RUNDC3B: variants seen among roughly 807,000 people sequenced by gnomAD.
RUNDC3B encodes the protein RUN domain containing 3B.
A neutral mutation model predicts 58.4 loss-of-function variants in RUNDC3B; 33 were observed. The ratio of observed to expected loss-of-function variants is 0.56; its 90% CI spans 0.43 to 0.75. RUNDC3B has a LOEUF of 0.75. Among genes scored for constraint, RUNDC3B ranks in the 30% least tolerant of loss-of-function variants. RUNDC3B has a pLI of 0.00. For missense variants in RUNDC3B, 501 were observed against 535.7 expected, an observed-to-expected ratio of 0.94 and a Z score of 0.64; for synonymous variants, 193 against 195.2, an observed-to-expected ratio of 0.99 and a Z score of 0.10.
chr7:87,780,146 T>G (rs1268281289), intron 8 of RUNDC3B, among the ~76,000 whole-genome samples: 1 of 152,214 alleles, frequency 6.6e-6, no homozygotes, highest in Non-Finnish European at 1.5e-5. Flanking sequence ...GATATATACC[T>G]AGTAATGGTA....
chr7:87,805,542 C>T (rs190585041), intron 8 of RUNDC3B, among the ~76,000 whole-genome samples: 2 of 152,194 alleles, frequency 1.3e-5, no homozygotes, highest in East Asian at 3.9e-4. Flanking sequence ...AAGACAGTAC[C>T]TTAATTTGTC....
intron 2 of RUNDC3B, among the ~76,000 whole-genome samples, chr7:87,657,408 C>CA (rs1331447899): frequency 2.0e-5 from 3 of 152,062 alleles, no homozygotes; most frequent in Admixed American, 2.0e-4. Context: ...AAACATCACA[C>CA]AAAAAAACCG....
rs189724175 is a variant in RUNDC3B, at chr7:87,748,663, C to T, written c.629+7084C>T. On this transcript the variant is annotated intron_variant, in intron 6 of 10. Transcript: ENST00000394654. ...GCCTAACCATAGGACAAAAATTTTCCTAGATGCCAGGGATACTTAGATGTC... is the reference window on the plus strand; with the variant it reads ...GCCTAACCATAGGACAAAAATTTTCTTAGATGCCAGGGATACTTAGATGTC... 1.6e-3 allele frequency among the ~76,000 whole-genome samples: 238 copies of T among 152,200 alleles called. 1 individual carries two copies. Among genetic ancestry groups the T allele is most frequent in the African/African-American group, 5.6e-3 (233 of 41,536 alleles).
At chr7:87,709,898 AAATT>A (rs1175522446) in intron 3 of RUNDC3B, among the ~76,000 whole-genome samples, 3 of 152,212 alleles carry the variant, frequency 2.0e-5, no homozygotes, top group Non-Finnish European at 2.9e-5. Flanking sequence ...GTCCGTAAGA[AAATT>A]AATTACTTTT....
At chr7:87,699,738 C>T (rs1181138451) in intron 2 of RUNDC3B, among the ~76,000 whole-genome samples, 1 of 152,024 alleles carries the variant, frequency 6.6e-6, no homozygotes, top group Non-Finnish European at 1.5e-5. Flanking sequence ...AACCTATGCA[C>T]AATAGAACAT....
chr7:87,761,990 G>T (rs544510098), intron 6 of RUNDC3B, among the ~76,000 whole-genome samples: 2 of 151,562 alleles, frequency 1.3e-5, no homozygotes, highest in African/African-American at 4.8e-5. Context: ...TCTTGTTTTG[G>T]GGCTTGATCT....
At chr7:87,743,899 T>C (rs956777366) in intron 6 of RUNDC3B, among the ~76,000 whole-genome samples, 20 of 152,222 alleles carry the variant, frequency 1.3e-4, no homozygotes, top group African/African-American at 4.8e-4. Flanking sequence ...AGCCAATATC[T>C]AGAAGGGTTT....
Position 87,771,850 on chromosome 7 carries a change from G to C in RUNDC3B, c.798+1101G>C, listed in dbSNP as rs192947815. On this transcript the variant is annotated intron_variant, in intron 7 of 10. Transcript: ENST00000394654. Reference sequence around the variant, plus strand: ...ATTTGTAGAGAAAGCTTGATTACATGCAATAGCAAAAATAATGACCAATAT... The same window carrying C: ...ATTTGTAGAGAAAGCTTGATTACATCCAATAGCAAAAATAATGACCAATAT... Among the ~76,000 whole-genome samples the C allele has an allele frequency of 3.3e-4, 50 of 152,286 alleles. No homozygotes were observed. In the East Asian group the frequency reaches 9.7e-3, roughly 29 times the overall value.
chr7:87,651,029 T>G, intron 2 of RUNDC3B, 92 bp downstream of exon 2: 2 of 700,150 alleles, frequency 2.9e-6, no homozygotes, highest in Non-Finnish European at 4.9e-6. Context: ...GTGACTTAGA[T>G]AGCCAACATT....
intron 10 of RUNDC3B, among the ~76,000 whole-genome samples, chr7:87,817,921 G>C (rs1837160397): frequency 6.6e-6 from 1 of 152,188 alleles, no homozygotes; most frequent in African/African-American, 2.4e-5. Flanking sequence ...GAATAAAGTA[G>C]AAATTCATTT....
chr7:87,661,269 A>G (rs1203223830), intron 2 of RUNDC3B, among the ~76,000 whole-genome samples: 3 of 151,886 alleles, frequency 2.0e-5, no homozygotes, highest in Non-Finnish European at 2.9e-5. Context: ...AAACAATTCA[A>G]TTATACTCTT....
At chr7:87,653,371 C>G (rs190022800) in intron 2 of RUNDC3B, among the ~76,000 whole-genome samples, 70 of 152,234 alleles carry the variant, frequency 4.6e-4, no homozygotes, top group Admixed American at 1.8e-3. Flanking sequence ...TTTGCCTGCT[C>G]AGCAACAATT....
intron 8 of RUNDC3B, among the ~76,000 whole-genome samples, chr7:87,778,440 C>CA (rs34916526): frequency 0.21 from 14,164 of 69,034 alleles, 903 homozygotes; most frequent in African/African-American, 0.31. Flanking sequence ...AAAACTCTGT[C>CA]AAAAAAAAAA....
At chr7:87,682,869 G>A (rs1827064547) in intron 2 of RUNDC3B, among the ~76,000 whole-genome samples, 1 of 152,092 alleles carries the variant, frequency 6.6e-6, no homozygotes, top group South Asian at 2.1e-4. Context: ...TTAAAGCCAG[G>A]CATTAACTTC....
At chr7:87,662,972 T>C (rs1824863659) in intron 2 of RUNDC3B, among the ~76,000 whole-genome samples, 1 of 152,128 alleles carries the variant, frequency 6.6e-6, no homozygotes, top group African/African-American at 2.4e-5. Context: ...CCTTCTTTGG[T>C]AAAGTTTATT....
intron 4 of RUNDC3B, among the ~76,000 whole-genome samples, chr7:87,737,460 G>T (rs753042460): frequency 6.6e-5 from 10 of 151,960 alleles, no homozygotes; most frequent in Non-Finnish European, 8.8e-5. Context: ...ATATTAGTTT[G>T]CATAAGAGAA....
At chr7:87,820,462 A>T (rs991536029) in intron 10 of RUNDC3B, among the ~76,000 whole-genome samples, 6 of 152,228 alleles carry the variant, frequency 3.9e-5, no homozygotes, top group African/African-American at 1.2e-4. Context: ...CAGAGGTACA[A>T]GGAGGAACTG....
intron 1 of RUNDC3B, among the ~76,000 whole-genome samples, chr7:87,646,551 A>G (rs1439028743): frequency 6.6e-6 from 1 of 152,156 alleles, no homozygotes; most frequent in African/African-American, 2.4e-5. Context: ...GTGTGGATGC[A>G]GAGTTAGCTT....
chr7:87,719,445 T>G (rs1830739250), intron 4 of RUNDC3B, among the ~76,000 whole-genome samples: 1 of 151,400 alleles, frequency 6.6e-6, no homozygotes, highest in Non-Finnish European at 1.5e-5. Context: ...ACAAAAGAAA[T>G]ATAAACATAT....
Sources: allele counts gnomAD v4.1 joint callset (sites outside exome capture counted in the v4.1 genomes callset), GRCh38; gene constraint gnomAD v4.1.1; transcripts MANE v1.5; gene names NCBI Gene and HGNC (gene_info 2026-07-23, HGNC 2026-07-21).